Variants in MAML2 observed in about 807,000 individuals in gnomAD.
The protein encoded by MAML2 is mastermind like transcriptional coactivator 2.
In MAML2, 22 loss-of-function variants were observed where a neutral mutation model predicts 96.1. The observed-to-expected ratio is 0.23, with a 90% CI of 0.16 to 0.33. The LOEUF is 0.33. MAML2 is among the 10% of genes least tolerant of loss of function. The pLI is 1.00. For synonymous variants in MAML2, 561 were observed against 521.3 expected, an observed-to-expected ratio of 1.08 and a Z score of -1.04; for missense variants, 1,367 against 1,392.4, an observed-to-expected ratio of 0.98 and a Z score of 0.29.
intron 1 of MAML2, among the ~76,000 whole-genome samples, chr11:96,215,805 C>G (rs1862041061): frequency 6.6e-6 from 1 of 152,244 alleles, no homozygotes; most frequent in East Asian, 1.9e-4. Context: ...TTTCTTTTCA[C>G]TCTTGGACCT....
At chr11:96,000,165 C>T (rs1565185619) in intron 2 of MAML2, among the ~76,000 whole-genome samples, 1 of 152,112 alleles carries the variant, frequency 6.6e-6, no homozygotes, top group East Asian at 1.9e-4. Context: ...ACGACAACAA[C>T]AATGACAACA....
intron 1 of MAML2, among the ~76,000 whole-genome samples, chr11:96,176,848 G>A (rs1016886129): frequency 2.6e-5 from 4 of 152,136 alleles, no homozygotes; most frequent in African/African-American, 7.2e-5. Context: ...ATACCGATAG[G>A]TGTGAGATCA....
intron 1 of MAML2, among the ~76,000 whole-genome samples, chr11:96,254,633 A>G (rs182488524): frequency 2.4e-4 from 36 of 152,294 alleles, no homozygotes; most frequent in Non-Finnish European, 4.9e-4. Context: ...CAAAATCAAA[A>G]GAACTCAAAC....
intron 1 of MAML2, among the ~76,000 whole-genome samples, chr11:96,299,058 A>ATATATATAT (rs61036575): frequency 0.016 from 909 of 57,676 alleles, 4 homozygotes; most frequent in African/African-American, 0.035. Flanking sequence ...AAAAAAAAAA[A>ATATATATAT]AAATATATAT....
intron 1 of MAML2, among the ~76,000 whole-genome samples, chr11:96,297,985 G>T (rs970724530): frequency 1.3e-5 from 2 of 152,096 alleles, no homozygotes; most frequent in Non-Finnish European, 2.9e-5. Flanking sequence ...GTTGAAATCA[G>T]GATCAAAATA....
At chr11:96,305,266 A>C (rs1863448103) in intron 1 of MAML2, among the ~76,000 whole-genome samples, 1 of 152,214 alleles carries the variant, frequency 6.6e-6, no homozygotes, top group African/African-American at 2.4e-5. Context: ...CTATGATAAT[A>C]TAATGAAAGA....
At chr11:96,115,385 G>A (rs55794471) in intron 1 of MAML2, among the ~76,000 whole-genome samples, 244 of 151,710 alleles carry the variant, frequency 1.6e-3, no homozygotes, top group South Asian at 8.7e-3. Flanking sequence ...TGCCCAGGCT[G>A]GTCGTGAACT....
intron 1 of MAML2, among the ~76,000 whole-genome samples, chr11:96,306,061 T>C (rs1004380788): frequency 6.7e-6 from 1 of 150,198 alleles, no homozygotes; most frequent in Non-Finnish European, 1.5e-5. Flanking sequence ...TCAAATTATG[T>C]ATATATAATT....
In MAML2 at chr11:95,982,494, G is replaced by T. The variant is rs571237568; in HGVS notation, c.2456-2531C>A. 2.6e-5 allele frequency among the ~76,000 whole-genome samples: 4 copies of T among 152,280 alleles called. No homozygotes were observed. The South Asian group carries it at 8.3e-4, about 32-fold the overall frequency. On this transcript the variant is annotated intron_variant, in intron 4 of 4. Transcript: ENST00000524717. ...CCTGGAATACAGGTATGAGACTAGT[G>T]ATGTGGTAGCTACCAGGCAGCCCTT...
chr11:96,162,136 C>T (rs1861114614), intron 1 of MAML2, among the ~76,000 whole-genome samples: 1 of 149,968 alleles, frequency 6.7e-6, no homozygotes, highest in Admixed American at 6.6e-5. Flanking sequence ...CATAACCTCA[C>T]ACATGGAAGC....
chr11:96,066,915 G>A (rs1859253313), intron 2 of MAML2, among the ~76,000 whole-genome samples: 2 of 152,208 alleles, frequency 1.3e-5, no homozygotes, highest in Non-Finnish European at 2.9e-5. Flanking sequence ...TGTACTTGGT[G>A]CATTCTGGGA....
chr11:95,998,113 T>A (rs760776439), intron 2 of MAML2, among the ~76,000 whole-genome samples: 2 of 147,632 alleles, frequency 1.4e-5, no homozygotes, highest in Non-Finnish European at 3.0e-5. Context: ...TTTATCCACT[T>A]TTCTATCTAT....
chr11:96,082,794 C>A (rs1457381792), intron 2 of MAML2, among the ~76,000 whole-genome samples: 1 of 152,144 alleles, frequency 6.6e-6, no homozygotes. Context: ...AGTATCAAAG[C>A]ACGAAGGCAG....
chr11:96,291,115 CTTTTTTTTTT>C (rs58889757), intron 1 of MAML2, among the ~76,000 whole-genome samples: 3 of 69,026 alleles, frequency 4.3e-5, no homozygotes, highest in Admixed American at 1.9e-4. Context: ...TTTCACAAGC[CTTTTTTTTTT>C]TTTTTTTTTT....
At chr11:96,307,718 T>C (rs1863484520) in intron 1 of MAML2, among the ~76,000 whole-genome samples, 1 of 151,992 alleles carries the variant, frequency 6.6e-6, no homozygotes, top group African/African-American at 2.4e-5. Context: ...CAGCACCACT[T>C]CCTTTATGAC....
intron 1 of MAML2, among the ~76,000 whole-genome samples, chr11:96,147,247 G>A (rs144411143): frequency 6.0e-4 from 91 of 152,230 alleles, no homozygotes; most frequent in African/African-American, 2.0e-3. Flanking sequence ...TAATCTCCCA[G>A]CTACCCACAA....
chr11:96,097,631 T>G (rs1220119862), intron 1 of MAML2, among the ~76,000 whole-genome samples: 1 of 152,160 alleles, frequency 6.6e-6, no homozygotes, highest in Non-Finnish European at 1.5e-5. Flanking sequence ...AAAAATAAGA[T>G]TTTAGGTTAA....
intron 4 of MAML2, among the ~76,000 whole-genome samples, chr11:95,982,286 C>T (rs1258413316): frequency 1.3e-5 from 2 of 152,088 alleles, no homozygotes; most frequent in African/African-American, 2.4e-5. Flanking sequence ...CAATATCCAA[C>T]CTCTCTATAT....
intron 1 of MAML2, among the ~76,000 whole-genome samples, chr11:96,238,909 G>A (rs1224386512): frequency 6.6e-6 from 1 of 152,184 alleles, no homozygotes; most frequent in African/African-American, 2.4e-5. Flanking sequence ...TAGCCACTTT[G>A]GGTTTCAGAA....
Sources: allele counts gnomAD v4.1 joint callset (sites outside exome capture counted in the v4.1 genomes callset), GRCh38; gene constraint gnomAD v4.1.1; transcripts MANE v1.5; gene names NCBI Gene and HGNC (gene_info 2026-07-23, HGNC 2026-07-21).